CDK11A: variants seen among roughly 807,000 people sequenced by gnomAD.
The protein encoded by CDK11A is cyclin-dependent kinase 11A.
Under a neutral mutation model 83.6 loss-of-function variants are expected in CDK11A, and 55 were observed. That is an observed-to-expected ratio of 0.66 (90% confidence interval 0.53 to 0.82). The LOEUF (loss-of-function observed/expected upper bound fraction) is 0.82, where lower values mean the gene tolerates loss of function less well. Among genes scored for constraint, CDK11A ranks in the 40% least tolerant of loss-of-function variants. CDK11A has a pLI of 0.00. For missense variants in CDK11A, 564 were observed against 810.1 expected (o/e 0.70, Z 3.69); for synonymous variants, 247 against 302.7 (o/e 0.82, Z 1.91).
Position 1,717,950 on chromosome 1 carries a change from G to C in CDK11A, c.355+1378C>G, listed in dbSNP as rs558464483. ...TTTCAGCTAGAGTATTCTCTCTATAGCCCTTCTGAATGGTCTGTGACACAC... is the reference window on the plus strand; with the variant it reads ...TTTCAGCTAGAGTATTCTCTCTATACCCCTTCTGAATGGTCTGTGACACAC... On this transcript the variant is annotated intron_variant, in intron 4 of 19. Transcript: ENST00000404249. 7.4e-3 allele frequency among the ~76,000 whole-genome samples: 1,103 copies of C among 149,680 alleles called. 27 individuals are homozygous for C. Among genetic ancestry groups the C allele is most frequent in the African/African-American group, 0.026 (1,052 of 40,418 alleles).
At chr1:1,715,058 C>G (rs552795943) in intron 5 of CDK11A, among the ~76,000 whole-genome samples, 1 of 146,816 alleles carries the variant, frequency 6.8e-6, no homozygotes, top group African/African-American at 2.5e-5. Flanking sequence ...CCAGTGGAAC[C>G]TCCGTGCTTC....
chr1:1,707,721 T>C (rs1387460856), intron 10 of CDK11A, 137 bp from the exon 11 acceptor site: 4 of 869,614 alleles, frequency 4.6e-6, no homozygotes, highest in East Asian at 5.4e-5. Flanking sequence ...TCTCGTCCCC[T>C]GGACACAGGG....
rs1292607414 is a variant in CDK11A at position 1,702,657 on chromosome 1, G to A, written c.*250C>T. ...CCGTGCGTGTCGAGAGTGGGAGAGG[G>A]TGTGTGGAGGTTTGTGCTGCCCCAC... is the stretch of plus-strand genomic sequence containing the variant. On this transcript the variant is annotated 3_prime_UTR_variant, in exon 20 of 20. Coordinates refer to ENST00000404249, the MANE Select transcript of CDK11A (RefSeq NM_024011.4). 12 of 576,034 alleles carry A rather than the reference G, an allele frequency of 2.1e-5. 2 individuals are homozygous for A. The highest frequency in any genetic ancestry group is 3.4e-5 in the Non-Finnish European group (11 of 320,684). The allele number at this position is 576,034 out of a possible 1,614,324, so 35.7% of individuals were successfully genotyped here.
rs373018063 is a variant in CDK11A at position 1,707,363 on chromosome 1, C to T, written c.1245+46G>A. On this transcript the variant is annotated intron_variant, in intron 11 of 19. Coordinates refer to ENST00000404249, the MANE Select transcript of CDK11A (RefSeq NM_024011.4). ...CTTCGCTCAGCCCCTGTGGTAACTC[C>T]GACTGCCAATGCGGACAGCGGCCCG... The T allele has an allele frequency of 3.5e-4, 554 of 1,588,284 alleles. 10 individuals are homozygous for T. Among genetic ancestry groups the T allele is most frequent in the African/African-American group, 1.5e-3 (111 of 73,514 alleles).
chr1:1,720,244 A>C (rs1042840561), intron 3 of CDK11A, among the ~76,000 whole-genome samples: 36 of 148,712 alleles, frequency 2.4e-4, no homozygotes, highest in African/African-American at 7.4e-4. Flanking sequence ...ACAGGCGCCC[A>C]CCACCACGCC....
chr1:1,704,037 A>C lies in CDK11A; in HGVS notation c.1794+2T>G. The C allele has an allele frequency of 6.3e-7, 1 of 1,595,362 alleles. No homozygotes were observed. Among genetic ancestry groups the C allele is most frequent in the Non-Finnish European group, 8.6e-7 (1 of 1,168,634 alleles). On this transcript the variant is annotated splice_donor_variant, in intron 16 of 19. Transcript: ENST00000404249. LOFTEE classifies it high-confidence loss of function. ...GGAGGCACTCAGACGCCCAGGACTC[A>C]CCTTGGCACCAAGCAGCAGCTCTGG...
intron 5 of CDK11A, among the ~76,000 whole-genome samples, chr1:1,715,563 C>T (rs1644604791): frequency 6.8e-6 from 1 of 147,940 alleles, no homozygotes; most frequent in Non-Finnish European, 1.5e-5. Context: ...GGACCTTGAC[C>T]CCTGGGCCTC....
rs1016393504 is a variant in CDK11A at position 1,717,060 on chromosome 1, AATC to A, written c.356-585_356-583del. ...CCTGGGCCACTGCACCCAGTCGAATAATCATGATTTTATGTTAAATAAAAAACT... is the reference window on the plus strand; with the variant it reads ...CCTGGGCCACTGCACCCAGTCGAATAATGATTTTATGTTAAATAAAAAACT... On this transcript the variant is annotated intron_variant, in intron 4 of 19. Transcript: ENST00000404249. Among the ~76,000 whole-genome samples the A allele has an allele frequency of 8.6e-4, 40 of 46,480 alleles. 1 individual carries two copies. The highest frequency in any genetic ancestry group is 1.4e-3 in the African/African-American group (38 of 27,108). The allele number at this position is 46,480 out of a possible 152,430, so 30.5% of individuals were successfully genotyped here.
intron 11 of CDK11A, among the ~76,000 whole-genome samples, chr1:1,706,742 C>A (rs1463197133): frequency 6.6e-6 from 1 of 151,112 alleles, no homozygotes; most frequent in African/African-American, 2.4e-5. Flanking sequence ...TGTGGCCCGA[C>A]GCCTACGCTC....
rs376262877 is a variant in CDK11A at position 1,721,577 on chromosome 1, C to T, written c.227+19G>A. The T allele has an allele frequency of 3.1e-4, 504 of 1,602,724 alleles. 13 individuals are homozygous for T. Among genetic ancestry groups the T allele is most frequent in the Non-Finnish European group, 3.0e-4 (357 of 1,171,944 alleles). ...GGGCTGTGTACAGTTGGGTCTTGCACATCTGTACATCCGCTCACCTGTCTT... is the reference window on the plus strand; with the variant it reads ...GGGCTGTGTACAGTTGGGTCTTGCATATCTGTACATCCGCTCACCTGTCTT... On this transcript the variant is annotated intron_variant, in intron 3 of 19. Transcript: ENST00000404249.
intron 4 of CDK11A, 119 bp from the exon 5 acceptor site, chr1:1,716,597 T>C: frequency 2.1e-6 from 2 of 970,194 alleles, no homozygotes; most frequent in Non-Finnish European, 3.1e-6. Flanking sequence ...GTGGATCACC[T>C]GAGGTCAGGA....
At chr1:1,718,134 C>T (rs1244481142) in intron 4 of CDK11A, among the ~76,000 whole-genome samples, 3 of 147,770 alleles carry the variant, frequency 2.0e-5, no homozygotes, top group Non-Finnish European at 4.5e-5. Context: ...GTGACACACG[C>T]ATGCTTTCAG....
In CDK11A at chr1:1,704,153, C is replaced by T. The variant is rs769955894; in HGVS notation, c.1687-7G>A. On this transcript the variant is annotated splice_polypyrimidine_tract_variant and splice_region_variant and intron_variant, in intron 15 of 19. Transcript: ENST00000404249. ...CCAGCCCAAAATCACCCACCTGCAA[C>T]GACAGATGGGCGGCTGTGGGTGGGC... The T allele has an allele frequency of 2.2e-5, 35 of 1,606,668 alleles. No homozygotes were observed. The highest frequency in any genetic ancestry group is 1.9e-4 in the Middle Eastern group (1 of 5,368).
chr1:1,718,938 C>T (rs1367602543), intron 4 of CDK11A, among the ~76,000 whole-genome samples: 1 of 150,850 alleles, frequency 6.6e-6, no homozygotes, highest in African/African-American at 2.4e-5. Flanking sequence ...GCCCGGCCTT[C>T]AGCTAGAGTA....
At chr1:1,715,862 G>A (rs760929) in intron 5 of CDK11A, among the ~76,000 whole-genome samples, 120,652 of 149,556 alleles carry the variant, frequency 0.81, 51,080 homozygotes, top group Non-Finnish European at 0.93. Context: ...CGAATATACA[G>A]ACTAATGGCC....
chr1:1,719,087 G>A, intron 4 of CDK11A: 1 of 277,034 alleles, frequency 3.6e-6, no homozygotes, highest in Non-Finnish European at 6.8e-6. Context: ...TTCGGTCTGT[G>A]ACGCACACAT....
At chr1:1,719,740 C>T (rs141346643) in intron 3 of CDK11A, among the ~76,000 whole-genome samples, 10,485 of 149,628 alleles carry the variant, frequency 0.07, 1,411 homozygotes, top group African/African-American at 0.24. Flanking sequence ...CCTCAGCCTC[C>T]GGAGTAGCTG....
chr1:1,704,834 C>G, intron 13 of CDK11A, 70 bp downstream of exon 13: 1 of 1,606,028 alleles, frequency 6.2e-7, no homozygotes, highest in Non-Finnish European at 8.5e-7. Flanking sequence ...AGCACCCGGC[C>G]CCAGGACAGC....
intron 4 of CDK11A, among the ~76,000 whole-genome samples, chr1:1,717,124 T>C (rs1309788824): frequency 6.6e-6 from 1 of 150,510 alleles, no homozygotes; most frequent in Non-Finnish European, 1.5e-5. Flanking sequence ...AAGCGTCTAA[T>C]TATGAAGAAA....
Sources: allele counts gnomAD v4.1 joint callset (sites outside exome capture counted in the v4.1 genomes callset), GRCh38; gene constraint gnomAD v4.1.1; transcripts MANE v1.5; gene names NCBI Gene and HGNC (gene_info 2026-07-23, HGNC 2026-07-21).